TEX9: variants seen among roughly 807,000 people sequenced by gnomAD.
TEX9 encodes the protein testis expressed 9.
TEX9 carries 74 observed loss-of-function variants against 59.6 expected under a neutral mutation model. The ratio of observed to expected loss-of-function variants is 1.24; its 90% CI spans 1.03 to 1.51. The LOEUF (loss-of-function observed/expected upper bound fraction) is 1.51, where lower values mean the gene tolerates loss of function less well. TEX9 is among the 40% of genes most tolerant of loss of function. The pLI is 0.00. For synonymous variants in TEX9, 186 were observed against 152.2 expected, an observed-to-expected ratio of 1.22 and a Z score of -1.64; for missense variants, 522 against 447.8, an observed-to-expected ratio of 1.17 and a Z score of -1.49.
chr15:56,372,493 C>T (rs1358014758), intron 2 of TEX9, among the ~76,000 whole-genome samples: 2 of 152,092 alleles, frequency 1.3e-5, no homozygotes, highest in Admixed American at 1.3e-4. Flanking sequence ...AAGTTATATG[C>T]TTTTGAATAT....
chr15:56,415,218 GT>G (rs201941983), intron 10 of TEX9, among the ~76,000 whole-genome samples: 4,636 of 151,732 alleles, frequency 0.031, 345 homozygotes, highest in African/African-American at 0.11. Flanking sequence ...TTATTTTTCT[GT>G]GCAGAAGCTC....
chr15:56,418,825 C>A (rs1262624543), intron 10 of TEX9, among the ~76,000 whole-genome samples: 1 of 151,896 alleles, frequency 6.6e-6, no homozygotes, highest in African/African-American at 2.4e-5. Flanking sequence ...GTATATGGTG[C>A]TTTGAGCAAG....
chr15:56,320,906 C>T (rs2725851), intron 1 of TEX9, among the ~76,000 whole-genome samples: 70,573 of 152,030 alleles, frequency 0.46, 18,900 homozygotes, highest in Non-Finnish European at 0.6. Context: ...TGGCTGGAAC[C>T]AGGAAATAAA....
At chr15:56,346,619 G>A (rs558752449) in intron 1 of TEX9, among the ~76,000 whole-genome samples, 29 of 152,244 alleles carry the variant, frequency 1.9e-4, no homozygotes, top group African/African-American at 7.0e-4. Context: ...ACACATTTGG[G>A]ATATGCTTTA....
At chr15:56,436,079 T>C (rs926370613) in intron 12 of TEX9, among the ~76,000 whole-genome samples, 3 of 152,128 alleles carry the variant, frequency 2.0e-5, no homozygotes, top group Admixed American at 1.3e-4. Flanking sequence ...TATCCAGGAA[T>C]TGAACTCAGT....
intron 10 of TEX9, among the ~76,000 whole-genome samples, chr15:56,424,763 T>TAAAA (rs2050161209): frequency 6.6e-6 from 1 of 152,126 alleles, no homozygotes; most frequent in Non-Finnish European, 1.5e-5. Context: ...GAATGAAAAG[T>TAAAA]GAAAGAATGA....
intron 1 of TEX9, among the ~76,000 whole-genome samples, chr15:56,262,747 TCTA>T (rs1321035386): frequency 8.5e-5 from 13 of 152,228 alleles, no homozygotes; most frequent in Admixed American, 8.5e-4. Flanking sequence ...TTCCTTTACT[TCTA>T]CTAATGTTTG....
rs2047271563 is a variant in TEX9 at position 56,373,248 on chromosome 15, C to G, written c.120-193C>G. Among the ~76,000 whole-genome samples the G allele has an allele frequency of 2.0e-5, 3 of 152,186 alleles. No individual in the cohort carries two copies. In the South Asian group the frequency reaches 6.2e-4, roughly 32 times the overall value. On this transcript the variant is annotated intron_variant, in intron 2 of 12. Coordinates refer to ENST00000352903, the Ensembl canonical transcript of TEX9. ...AAGGCTAATACTTAGTGTTTGAGTTCCTACTACAAGGAAGGAGGAATCATG... is the reference window on the plus strand; with the variant it reads ...AAGGCTAATACTTAGTGTTTGAGTTGCTACTACAAGGAAGGAGGAATCATG...
intron 1 of TEX9, among the ~76,000 whole-genome samples, chr15:56,300,732 A>G (rs897884104): frequency 1.3e-5 from 2 of 150,604 alleles, no homozygotes; most frequent in East Asian, 2.0e-4. Flanking sequence ...AGAGAGAGAG[A>G]GAGAGAGAGA....
At chr15:56,307,086 G>T (rs1240083782) in intron 1 of TEX9, among the ~76,000 whole-genome samples, 1 of 152,098 alleles carries the variant, frequency 6.6e-6, no homozygotes, top group African/African-American at 2.4e-5. Flanking sequence ...CTTTCCTGGG[G>T]GGAAAATGAC....
downstream of TEX9, among the ~76,000 whole-genome samples, chr15:56,446,372 C>G (rs1434733229): frequency 1.3e-5 from 2 of 151,884 alleles, no homozygotes; most frequent in African/African-American, 4.8e-5. Context: ...TTATCTTCAA[C>G]TTGGTACCAT....
chr15:56,281,134 T>G (rs1238800210), intron 1 of TEX9, among the ~76,000 whole-genome samples: 1 of 152,226 alleles, frequency 6.6e-6, no homozygotes, highest in African/African-American at 2.4e-5. Flanking sequence ...TGCTGGTAGT[T>G]TTGAATATAA....
At chr15:56,426,589 GTATATATATA>G (rs71110391) in intron 10 of TEX9, among the ~76,000 whole-genome samples, 347 of 24,328 alleles carry the variant, frequency 0.014, 21 homozygotes, top group Middle Eastern at 0.056. Flanking sequence ...TTGAAAAGGT[GTATATATATA>G]TATATATATA....
intron 1 of TEX9, among the ~76,000 whole-genome samples, chr15:56,334,769 T>C (rs1413980982): frequency 6.6e-6 from 1 of 152,114 alleles, no homozygotes; most frequent in African/African-American, 2.4e-5. Context: ...AAGCGATTAA[T>C]AACCAGAATA....
chr15:56,385,187 T>A (rs1362307355), intron 4 of TEX9, among the ~76,000 whole-genome samples: 9 of 152,202 alleles, frequency 5.9e-5, no homozygotes, highest in African/African-American at 2.2e-4. Context: ...TTTTGGACTT[T>A]CATATCTGTT....
intron 12 of TEX9, among the ~76,000 whole-genome samples, chr15:56,432,393 C>T (rs910616948): frequency 1.3e-5 from 2 of 152,058 alleles, no homozygotes; most frequent in Admixed American, 6.6e-5. Context: ...GTATGATTTT[C>T]GTAGAGGTAG....
At chr15:56,317,284 A>T (rs2045798220) in intron 1 of TEX9, among the ~76,000 whole-genome samples, 1 of 152,194 alleles carries the variant, frequency 6.6e-6, no homozygotes, top group South Asian at 2.1e-4. Flanking sequence ...TCTTTCTAGG[A>T]ATATACTCAT....
At chr15:56,266,926 G>C (rs1326492691) in intron 1 of TEX9, among the ~76,000 whole-genome samples, 2 of 152,274 alleles carry the variant, frequency 1.3e-5, no homozygotes, top group Admixed American at 6.5e-5. Flanking sequence ...GGTTGAACTA[G>C]TTTACAGTCC....
intron 1 of TEX9, among the ~76,000 whole-genome samples, chr15:56,345,852 A>G (rs963238542): frequency 6.6e-6 from 1 of 152,336 alleles, no homozygotes; most frequent in Admixed American, 6.5e-5. Flanking sequence ...CTCTAAAGAC[A>G]TTCAGCTGGA....
Sources: allele counts gnomAD v4.1 joint callset (sites outside exome capture counted in the v4.1 genomes callset), GRCh38; gene constraint gnomAD v4.1.1; transcripts MANE v1.5; gene names NCBI Gene and HGNC (gene_info 2026-07-23, HGNC 2026-07-21).